ANKRD11: variants seen among roughly 807,000 people sequenced by gnomAD.
ANKRD11 encodes the protein ankyrin repeat domain-containing protein 11.
A neutral mutation model predicts 195.7 loss-of-function variants in ANKRD11; 17 were observed. The observed-to-expected ratio is 0.09, with a 90% CI of 0.06 to 0.13. The LOEUF (loss-of-function observed/expected upper bound fraction) is 0.13. Ranked by LOEUF, ANKRD11 falls within the 10% of genes least tolerant of loss-of-function variation. The pLI is 1.00. For synonymous variants in ANKRD11, 1,953 were observed against 1,528.1 expected (o/e 1.28, Z -6.49); for missense variants, 3,735 against 3,566.1 (o/e 1.05, Z -1.21).
At chr16:89,436,713 C>T (rs2043229897) in intron 1 of ANKRD11, among the ~76,000 whole-genome samples, 1 of 152,134 alleles carries the variant, frequency 6.6e-6, no homozygotes, top group Non-Finnish European at 1.5e-5. Flanking sequence ...GACAAGTCAA[C>T]GGAGGACACG....
intron 2 of ANKRD11, among the ~76,000 whole-genome samples, chr16:89,402,211 C>A (rs2041721811): frequency 6.6e-6 from 1 of 152,156 alleles, no homozygotes; most frequent in African/African-American, 2.4e-5. Flanking sequence ...GCCCTTCCAA[C>A]AAAGGCAGGC....
intron 2 of ANKRD11, among the ~76,000 whole-genome samples, chr16:89,335,079 C>T (rs758144995): frequency 1.7e-4 from 26 of 152,278 alleles, no homozygotes; most frequent in South Asian, 1.5e-3. Context: ...CAATAAAAAA[C>T]GACTAACACT....
chr16:89,347,760 G>A (rs2039013260), intron 2 of ANKRD11, among the ~76,000 whole-genome samples: 1 of 152,038 alleles, frequency 6.6e-6, no homozygotes, highest in Admixed American at 6.6e-5. Flanking sequence ...ACAAAGAGAT[G>A]ACCACAAACA....
intron 11 of ANKRD11, chr16:89,271,238 CTTT>C (rs11329471): frequency 0.013 from 3,747 of 299,616 alleles, no homozygotes; most frequent in Non-Finnish European, 0.015. Context: ...CTGGGAGAGA[CTTT>C]TTTTTTTTTT....
intron 9 of ANKRD11, among the ~76,000 whole-genome samples, chr16:89,276,168 G>T (rs573234102): frequency 1.3e-5 from 2 of 152,308 alleles, no homozygotes; most frequent in Non-Finnish European, 2.9e-5. Flanking sequence ...AAGAGCTCCT[G>T]ACAGCCAAGG....
At chr16:89,446,295 T>C (rs539771084) in intron 1 of ANKRD11, among the ~76,000 whole-genome samples, 1 of 152,254 alleles carries the variant, frequency 6.6e-6, no homozygotes, top group African/African-American at 2.4e-5. Flanking sequence ...CTGTGACAGC[T>C]GCATCTAAAC....
Position 89,283,077 on chromosome 16 carries a change from T to C in ANKRD11, c.3465A>G (p.Gly1155=), listed in dbSNP as rs1261278341. 4.3e-6 allele frequency: 7 copies of C among 1,614,040 alleles called. No homozygotes were observed. Among genetic ancestry groups the C allele is most frequent in the Non-Finnish European group, 5.9e-6 (7 of 1,180,032 alleles). Residue 1155 remains glycine, a synonymous_variant, in exon 9 of 13, where the codon GGA becomes GGG. Transcript: ENST00000301030. The surrounding 1 kb of genome is among the most constrained non-coding windows in gnomAD (Gnocchi z 4.3). ...RTDGLQEKEE[G]REAYASDRHR... ...GTCTGTCGGAGGCATAGGCCTCCCG[T>C]CCTTCCTCCTTCTCCTGGAGGCCGT...
At chr16:89,320,008 G>A (rs1237841612) in intron 2 of ANKRD11, 2 of 152,412 alleles carry the variant, frequency 1.3e-5, no homozygotes, top group African/African-American at 2.4e-5. Flanking sequence ...CCAGCCGAGG[G>A]CCGAGGAACC....
intron 11 of ANKRD11, 168 bp from the exon 12 acceptor site, chr16:89,271,077 C>T: frequency 1.4e-6 from 1 of 690,670 alleles, no homozygotes. Context: ...CAGGCGCACC[C>T]TGCCCATCTC....
At position 89,280,518 on chromosome 16, in the gene ANKRD11, G is replaced by T; in HGVS notation, c.6024C>A (p.Phe2008Leu). ...CGGGGTACGGCGCCTCCGAGGCGCT[G>T]AAGGGCCCTGGGGCGGCAGAGTGGA... ...DPLHSAAPGP[F>L]SASEAPYPAP... The change falls in exon 9 of 13, where the codon TTC (phenylalanine) becomes TTA (leucine). Residue 2008 changes from phenylalanine to leucine, a missense_variant. Physicochemically the swap from Phe to Leu is conservative, Grantham distance 22 (BLOSUM62 0). Transcript: ENST00000301030. 1 of 1,610,888 alleles carries T rather than the reference G, an allele frequency of 6.2e-7. No homozygotes were observed. The highest frequency in any genetic ancestry group is 2.2e-5 in the East Asian group (1 of 44,814).
chr16:89,489,747 C>T (rs1209289121), intron 1 of ANKRD11, among the ~76,000 whole-genome samples: 2 of 148,544 alleles, frequency 1.3e-5, no homozygotes, highest in South Asian at 2.1e-4. Context: ...CCGAAGCCCC[C>T]CGTCCGCCCC....
At position 89,283,284 on chromosome 16, in the gene ANKRD11, C is replaced by T. The variant is rs767247394; in HGVS notation, c.3258G>A (p.Lys1086=). Residue 1086 remains lysine (K), a synonymous_variant, in exon 9 of 13, where the codon AAG becomes AAA. Coordinates refer to ENST00000301030, the MANE Select transcript of ANKRD11 (RefSeq NM_013275.6). This position sits in a 1 kb window ranked among gnomAD's most constrained non-coding sequence, Gnocchi z 4.3. ...RKASLDQGKE[K]KEKAFPGIIS... Reference sequence around the variant, plus strand: ...TGATCCCAGGGAAAGCCTTCTCCTTCTTCTCTTTCCCTTGGTCGAGAGACG... The same window carrying T: ...TGATCCCAGGGAAAGCCTTCTCCTTTTTCTCTTTCCCTTGGTCGAGAGACG... 12 of 1,614,154 alleles carry T rather than the reference C, an allele frequency of 7.4e-6. No individual in the cohort carries two copies. The East Asian group carries it at 2.0e-4, about 27-fold the overall frequency.
At chr16:89,449,107 TTGGG>T (rs2043941294) in intron 1 of ANKRD11, among the ~76,000 whole-genome samples, 1 of 151,510 alleles carries the variant, frequency 6.6e-6, no homozygotes, top group Non-Finnish European at 1.5e-5. Flanking sequence ...TCCCAGCATG[TTGGG>T]AGGCTGAGGC....
At chr16:89,305,107 C>A in intron 4 of ANKRD11, 99 bp downstream of exon 4, 1 of 1,533,258 alleles carries the variant, frequency 6.5e-7, no homozygotes, top group South Asian at 1.2e-5. Context: ...GAGTGCGTCC[C>A]AGTGCAAAGC....
intron 1 of ANKRD11, among the ~76,000 whole-genome samples, chr16:89,471,327 G>A (rs574822474): frequency 2.6e-5 from 4 of 152,104 alleles, no homozygotes; most frequent in South Asian, 2.1e-4. Context: ...CTGCTGCCCC[G>A]AAGTCCTGTG....
At chr16:89,397,741 C>G (rs184221333) in intron 2 of ANKRD11, among the ~76,000 whole-genome samples, 3 of 152,362 alleles carry the variant, frequency 2.0e-5, no homozygotes, top group Admixed American at 6.5e-5. Context: ...GATGCAGAAG[C>G]CTCTCCTCTG....
At chr16:89,470,063 G>T (rs372306810) in intron 1 of ANKRD11, among the ~76,000 whole-genome samples, 4 of 150,922 alleles carry the variant, frequency 2.7e-5, no homozygotes, top group Non-Finnish European at 4.4e-5. Context: ...CCGCCACCAC[G>T]CCCGGCTAAT....
At position 89,282,598 on chromosome 16, in the gene ANKRD11, G is replaced by C. The variant is rs186068075; in HGVS notation, c.3944C>G (p.Pro1315Arg). The change falls in exon 9 of 13, where the codon CCG (proline) becomes CGG (arginine). Residue 1315 changes from proline (P) to arginine (R), a missense_variant. Physicochemically the swap from Pro to Arg is moderately radical, Grantham distance 103. Coordinates refer to ENST00000301030, the MANE Select transcript of ANKRD11 (RefSeq NM_013275.6). ...SDSFTDRGQE[P>R]GLTAFLEVSF... is the part of the protein sequence containing the mutation. ...GACCTCCAGGAAGGCAGTCAGCCCC[G>C]GCTCCTGCCCTCGGTCCGTGAAGCT... 6.8e-6 allele frequency: 11 copies of C among 1,614,040 alleles called. No individual in the cohort carries two copies. The African/African-American group carries it at 9.3e-5, about 14-fold the overall frequency.
intron 2 of ANKRD11, among the ~76,000 whole-genome samples, chr16:89,345,359 C>T (rs914569382): frequency 2.6e-5 from 4 of 151,928 alleles, no homozygotes; most frequent in Non-Finnish European, 4.4e-5. Context: ...CACCTGGTGC[C>T]CCATCTGGGG....
Sources: allele counts gnomAD v4.1 joint callset (sites outside exome capture counted in the v4.1 genomes callset), GRCh38; gene constraint gnomAD v4.1.1; non-coding constraint Gnocchi (gnomAD v3.1); transcripts MANE v1.5; gene names NCBI Gene and HGNC (gene_info 2026-07-23, HGNC 2026-07-21).